The following TAB2 variants were observed in gnomAD, a reference collection of about 807,000 sequenced individuals.
TAB2 encodes TGF-beta-activated kinase 1 and MAP3K7-binding protein 2.
A neutral mutation model predicts 65.0 loss-of-function variants in TAB2; 3 were observed. The observed-to-expected ratio is 0.05, with a 90% CI of 0.02 to 0.12. The LOEUF (loss-of-function observed/expected upper bound fraction) is 0.12, where lower values mean the gene tolerates loss of function less well. Ranked by LOEUF, TAB2 falls within the 10% of genes least tolerant of loss-of-function variation. The pLI, the probability that TAB2 is intolerant of heterozygous loss-of-function variation, is 1.00. For missense variants in TAB2, 623 were observed against 840.3 expected (o/e 0.74, Z 3.20); for synonymous variants, 298 against 285.1 (o/e 1.05, Z -0.46).
At chr6:149,345,763 A>T (rs1780275821) in intron 1 of TAB2, among the ~76,000 whole-genome samples, 1 of 152,202 alleles carries the variant, frequency 6.6e-6, no homozygotes, top group South Asian at 2.1e-4. Flanking sequence ...AAGCTTTTTA[A>T]TATAATGCAT....
At chr6:149,273,355 C>A (rs753256248) in intron 1 of TAB2, among the ~76,000 whole-genome samples, 1 of 152,140 alleles carries the variant, frequency 6.6e-6, no homozygotes, top group Non-Finnish European at 1.5e-5. Flanking sequence ...GAGAGGCATG[C>A]GTTTCTATTC....
At chr6:149,404,264 A>T (rs1458220769) in intron 6 of TAB2, among the ~76,000 whole-genome samples, 2 of 152,200 alleles carry the variant, frequency 1.3e-5, no homozygotes, top group East Asian at 3.8e-4. Context: ...TGAAAATTAT[A>T]AAACATTGAT....
intron 1 of TAB2, among the ~76,000 whole-genome samples, chr6:149,327,238 G>A (rs1296802847): frequency 6.6e-6 from 1 of 152,128 alleles, no homozygotes; most frequent in Non-Finnish European, 1.5e-5. Flanking sequence ...ATATAGGCAA[G>A]ATGGTCGTTT....
upstream of TAB2, among the ~76,000 whole-genome samples, chr6:149,317,238 G>T (rs1253184361): frequency 1.3e-5 from 2 of 152,084 alleles, no homozygotes; most frequent in Non-Finnish European, 2.9e-5. The surrounding 1 kb of genome is among the most constrained non-coding windows in gnomAD (Gnocchi z 4.7). Flanking sequence ...AAGGATGGGG[G>T]GCCCAGGCGG....
chr6:149,361,938 C>T (rs1780866488), intron 1 of TAB2, among the ~76,000 whole-genome samples: 1 of 152,218 alleles, frequency 6.6e-6, no homozygotes, highest in African/African-American at 2.4e-5. Context: ...GCTGACTTTG[C>T]TCTGGTTCCT....
At chr6:149,349,953 A>G (rs1222525815) in intron 1 of TAB2, among the ~76,000 whole-genome samples, 3 of 152,084 alleles carry the variant, frequency 2.0e-5, no homozygotes, top group African/African-American at 7.2e-5. Context: ...TCATTCAGAG[A>G]TGGAGTCTCA....
chr6:149,347,047 A>G (rs1224450889), intron 1 of TAB2: 2 of 152,220 alleles, frequency 1.3e-5, no homozygotes, highest in Non-Finnish European at 2.9e-5. Context: ...GCAGTGAACA[A>G]TAATGTATTG....
chr6:149,379,849 A>G (rs1781551447), intron 3 of TAB2: 2 of 452,764 alleles, frequency 4.4e-6, no homozygotes. Context: ...AATTTTCTGT[A>G]AATAAAAATT....
chr6:149,238,734 C>G (rs575376156), intron 1 of TAB2, among the ~76,000 whole-genome samples: 1 of 152,346 alleles, frequency 6.6e-6, no homozygotes, highest in East Asian at 1.9e-4. Flanking sequence ...CGGAAGCTGT[C>G]TGAGGCTGCT....
intron 1 of TAB2, among the ~76,000 whole-genome samples, chr6:149,288,349 C>T (rs969122464): frequency 2.0e-5 from 3 of 152,212 alleles, no homozygotes; most frequent in Non-Finnish European, 4.4e-5. Flanking sequence ...GGGCCTCCTG[C>T]CCCATTGTAG....
intron 3 of TAB2, among the ~76,000 whole-genome samples, chr6:149,388,873 C>T (rs972267884): frequency 1.3e-5 from 2 of 151,914 alleles, no homozygotes; most frequent in Non-Finnish European, 2.9e-5. Context: ...CTCAGAATTT[C>T]CTCTTATGGC....
In TAB2 at chr6:149,334,253, G is replaced by A. The variant is rs1289863954; in HGVS notation, c.-90+16238G>A. ...TCTTACCTTTTTTTCATTATTCCCT[G>A]TGTCAGTGTCAGCACCTTCTGCTGA... On this transcript the variant is annotated intron_variant, in intron 1 of 6. Transcript: ENST00000637181. Among the ~76,000 whole-genome samples, 3 of 151,524 alleles carry A rather than the reference G, an allele frequency of 2.0e-5. No homozygotes were observed. The East Asian group carries it at 5.8e-4, about 29-fold the overall frequency.
intron 1 of TAB2, among the ~76,000 whole-genome samples, chr6:149,272,062 A>C (rs1437092449): frequency 6.6e-6 from 1 of 151,982 alleles, no homozygotes; most frequent in Non-Finnish European, 1.5e-5. Flanking sequence ...CCTTCTGAGG[A>C]ATGTAATTTT....
Position 149,399,095 on chromosome 6 carries a change from A to G in TAB2, c.1859-9A>G, listed in dbSNP as rs770418061. 3.2e-5 allele frequency: 51 copies of G among 1,609,296 alleles called. No homozygotes were observed. The highest frequency in any genetic ancestry group is 2.0e-4 in the South Asian group (18 of 90,878). ...AAGCATTGATATATTTACTTTTTAT[A>G]TATTTCAGGACCACATTTTAACCCC... On this transcript the variant is annotated splice_polypyrimidine_tract_variant and intron_variant, in intron 5 of 6. Coordinates refer to ENST00000637181, the MANE Select transcript of TAB2 (RefSeq NM_001292034.3).
intron 6 of TAB2, among the ~76,000 whole-genome samples, chr6:149,399,530 TCC>T (rs71681301): frequency 2.7e-5 from 4 of 149,292 alleles, no homozygotes; most frequent in Admixed American, 6.7e-5. Flanking sequence ...TTAGGGAAGT[TCC>T]CCCCCCCCAT....
chr6:149,291,099 T>G (rs642403), intron 1 of TAB2, among the ~76,000 whole-genome samples: 62,137 of 152,058 alleles, frequency 0.41, 14,425 homozygotes, highest in African/African-American at 0.65. Context: ...TGTTCCAATT[T>G]GTTAAAATCA....
At chr6:149,349,290 C>G (rs979384326) in intron 1 of TAB2, among the ~76,000 whole-genome samples, 2 of 151,300 alleles carry the variant, frequency 1.3e-5, no homozygotes, top group African/African-American at 4.9e-5. Flanking sequence ...CACGGTGGCA[C>G]GCGCCTGTAA....
chr6:149,270,159 T>C (rs544287561), intron 1 of TAB2, among the ~76,000 whole-genome samples: 6 of 152,366 alleles, frequency 3.9e-5, no homozygotes, highest in Admixed American at 2.6e-4. Flanking sequence ...TAATGGTATT[T>C]GTGGTCTTGA....
chr6:149,319,193 A>G (rs537640726), intron 1 of TAB2, among the ~76,000 whole-genome samples: 1 of 152,244 alleles, frequency 6.6e-6, no homozygotes, highest in Non-Finnish European at 1.5e-5. Flanking sequence ...GATGATCATT[A>G]TGCAATTCCA....
Sources: allele counts gnomAD v4.1 joint callset (sites outside exome capture counted in the v4.1 genomes callset), GRCh38; gene constraint gnomAD v4.1.1; non-coding constraint Gnocchi (gnomAD v3.1); transcripts MANE v1.5; gene names NCBI Gene and HGNC (gene_info 2026-07-23, HGNC 2026-07-21).